Variants in PTPRD observed in about 807,000 individuals in gnomAD.
PTPRD encodes receptor-type tyrosine-protein phosphatase delta.
Under a neutral mutation model 214.5 loss-of-function variants are expected in PTPRD, and 34 were observed. The observed-to-expected ratio is 0.16, with a 90% CI of 0.12 to 0.21. The LOEUF is 0.21. Among genes scored for constraint, PTPRD ranks in the 10% least tolerant of loss-of-function variants. The probability of loss-of-function intolerance (pLI) is 1.00; values close to 1 mark genes in which losing one functional copy is unlikely to be tolerated. For missense variants in PTPRD, 2,545 were observed against 2,398.7 expected (o/e 1.06, Z -1.27); for synonymous variants, 1,128 against 845.7 (o/e 1.33, Z -5.79).
At chr9:8,429,002 G>A (rs2094875034) in intron 35 of PTPRD, among the ~76,000 whole-genome samples, 1 of 152,168 alleles carries the variant, frequency 6.6e-6, no homozygotes, top group African/African-American at 2.4e-5. Context: ...GAAATACAAT[G>A]TTTACTATCA....
intron 10 of PTPRD, among the ~76,000 whole-genome samples, chr9:9,070,995 C>T (rs1302288932): frequency 6.6e-6 from 1 of 152,048 alleles, no homozygotes; most frequent in African/African-American, 2.4e-5. Context: ...CTCACTGCAG[C>T]CTCGAATTTC....
chr9:8,770,023 G>C (rs1348054112), intron 11 of PTPRD, among the ~76,000 whole-genome samples: 1 of 152,184 alleles, frequency 6.6e-6, no homozygotes, highest in East Asian at 1.9e-4. Context: ...GCTCATGCCT[G>C]TAATCCCAGC....
chr9:10,306,637 G>A (rs181472898), intron 3 of PTPRD, among the ~76,000 whole-genome samples: 2 of 152,116 alleles, frequency 1.3e-5, no homozygotes, highest in East Asian at 3.9e-4. Flanking sequence ...TTAAAATTAA[G>A]AGCCTTTAAT....
intron 25 of PTPRD, 67 bp downstream of exon 25, chr9:8,499,580 A>T (rs2136786432): frequency 2.6e-6 from 4 of 1,512,256 alleles, no homozygotes; most frequent in Non-Finnish European, 3.6e-6. Context: ...AATAAGAGCA[A>T]TTTCAGGATA....
intron 3 of PTPRD, among the ~76,000 whole-genome samples, chr9:10,336,537 C>G (rs1279634293): frequency 1.3e-5 from 2 of 151,570 alleles, no homozygotes; most frequent in African/African-American, 4.8e-5. Context: ...CAGAAAATAA[C>G]ATAATAATAC....
In PTPRD at chr9:10,131,667, G is replaced by A. The variant is rs147740119; in HGVS notation, c.-544-97877C>T. Among the ~76,000 whole-genome samples, 497 of 152,040 alleles carry A rather than the reference G, an allele frequency of 3.3e-3. 1 individual carries two copies. The highest frequency in any genetic ancestry group is 0.011 in the African/African-American group (452 of 41,482). The stretch of plus-strand genomic sequence containing the variant: ...CTATTAAGCACTTTCTTCATAACTC[G>A]GTATCTTTCATAATTGGATCTAATA... On this transcript the variant is annotated intron_variant, in intron 3 of 45. Coordinates refer to ENST00000381196, the MANE Select transcript of PTPRD (RefSeq NM_002839.4).
chr9:9,978,779 C>G (rs1360528574), intron 4 of PTPRD, among the ~76,000 whole-genome samples: 1 of 151,800 alleles, frequency 6.6e-6, no homozygotes, highest in Non-Finnish European at 1.5e-5. Context: ...ACAAAATAAA[C>G]ACAAAATAAA....
intron 10 of PTPRD, among the ~76,000 whole-genome samples, chr9:9,117,073 G>A (rs150245543): frequency 5.3e-5 from 8 of 152,172 alleles, no homozygotes; most frequent in African/African-American, 1.7e-4. Flanking sequence ...ATTAAAGGAA[G>A]GTGACTCCTG....
intron 7 of PTPRD, among the ~76,000 whole-genome samples, chr9:9,638,056 T>C (rs186926469): frequency 6.6e-6 from 1 of 152,246 alleles, no homozygotes; most frequent in East Asian, 1.9e-4. Context: ...CAAAATGTCT[T>C]TGGGGTCATT....
chr9:9,749,243 G>T (rs981096077), intron 6 of PTPRD, among the ~76,000 whole-genome samples: 10 of 152,176 alleles, frequency 6.6e-5, no homozygotes, highest in Non-Finnish European at 1.3e-4. Context: ...GGCCAACTCT[G>T]CCCTGTTTGG....
Position 9,548,240 on chromosome 9 carries a change from G to A in PTPRD, c.-237+26492C>T, listed in dbSNP as rs186503524. ...TGATCAATAATAAAAGTGACTAATAGAAGATAAATAGCAAGAATACAGACC... is the reference window on the plus strand; with the variant it reads ...TGATCAATAATAAAAGTGACTAATAAAAGATAAATAGCAAGAATACAGACC... On this transcript the variant is annotated intron_variant, in intron 8 of 45. Coordinates refer to ENST00000381196, the MANE Select transcript of PTPRD (RefSeq NM_002839.4). Among the ~76,000 whole-genome samples the A allele has an allele frequency of 1.5e-3, 228 of 151,290 alleles. 4 individuals are homozygous for A. Among genetic ancestry groups the A allele is most frequent in the Admixed American group, 0.01 (156 of 15,144 alleles).
intron 2 of PTPRD, among the ~76,000 whole-genome samples, chr9:10,600,561 C>T (rs1230478007): frequency 6.6e-6 from 1 of 151,774 alleles, no homozygotes; most frequent in African/African-American, 2.4e-5. Context: ...ACTCACACAG[C>T]TCCAGGATGG....
At chr9:9,179,860 A>G (rs1232998033) in intron 10 of PTPRD, among the ~76,000 whole-genome samples, 2 of 152,104 alleles carry the variant, frequency 1.3e-5, no homozygotes, top group Admixed American at 1.3e-4. Flanking sequence ...CAGGTCCCTC[A>G]TCCTAACATG....
intron 21 of PTPRD, among the ~76,000 whole-genome samples, chr9:8,510,313 T>C (rs1000105357): frequency 6.6e-6 from 1 of 151,588 alleles, no homozygotes; most frequent in Non-Finnish European, 1.5e-5. Flanking sequence ...AAATAAATAA[T>C]AATATATAAA....
intron 4 of PTPRD, among the ~76,000 whole-genome samples, chr9:9,989,037 A>AAAAAAC (rs2095820541): frequency 1.6e-5 from 2 of 121,364 alleles, no homozygotes; most frequent in African/African-American, 2.6e-5. Context: ...AAAAAAAAAA[A>AAAAAAC]AAAAAAAACC....
chr9:10,214,999 G>C (rs1236420259), intron 3 of PTPRD, among the ~76,000 whole-genome samples: 1 of 151,998 alleles, frequency 6.6e-6, no homozygotes, highest in Non-Finnish European at 1.5e-5. Context: ...ATTTCGGACA[G>C]GTGGAATCTT....
intron 3 of PTPRD, among the ~76,000 whole-genome samples, chr9:10,163,372 A>C (rs2099140585): frequency 6.6e-6 from 1 of 151,420 alleles, no homozygotes; most frequent in Non-Finnish European, 1.5e-5. Context: ...AAATGTAAAC[A>C]AAAACCATCC....
chr9:10,260,244 C>G (rs145405194), intron 3 of PTPRD, among the ~76,000 whole-genome samples: 163 of 152,292 alleles, frequency 1.1e-3, no homozygotes, highest in African/African-American at 3.7e-3. Context: ...GAATGTGGGT[C>G]AGTACCAAAT....
At chr9:10,028,457 C>A (rs548851604) in intron 4 of PTPRD, among the ~76,000 whole-genome samples, 2 of 152,058 alleles carry the variant, frequency 1.3e-5, no homozygotes, top group African/African-American at 4.8e-5. Flanking sequence ...CAGAAGAAGA[C>A]AAGAAAATGT....
Sources: gnomAD v4.1 joint callset for allele counts (sites outside exome capture counted in the v4.1 genomes callset) on GRCh38, gnomAD v4.1.1 for gene constraint, MANE v1.5 for transcripts, NCBI Gene and HGNC (gene_info 2026-07-23, HGNC 2026-07-21) for gene names.